PAPSS2: variants seen among roughly 807,000 people sequenced by gnomAD.
PAPSS2 encodes the protein 3'-phosphoadenosine 5'-phosphosulfate synthase 2.
A neutral mutation model predicts 66.5 loss-of-function variants in PAPSS2; 61 were observed. The ratio of observed to expected loss-of-function variants is 0.92; its 90% CI spans 0.75 to 1.14. PAPSS2 has a LOEUF of 1.14. Ranked by LOEUF, PAPSS2 falls within the 50% of genes most tolerant of loss-of-function variation. The pLI, the probability that PAPSS2 is intolerant of heterozygous loss-of-function variation, is 0.00. For missense variants in PAPSS2, 708 were observed against 789.6 expected, an observed-to-expected ratio of 0.90 and a Z score of 1.24; for synonymous variants, 289 against 287.5, an observed-to-expected ratio of 1.01 and a Z score of -0.05.
intron 7 of PAPSS2, 94 bp downstream of exon 7, chr10:87,715,937 T>G: frequency 1.3e-6 from 1 of 778,662 alleles, no homozygotes; most frequent in Middle Eastern, 2.9e-4. Context: ...TAGTCTTTAG[T>G]TTGCAAATCT....
chr10:87,727,529 T>G, intron 9 of PAPSS2, 40 bp downstream of exon 9: 3 of 1,495,478 alleles, frequency 2.0e-6, no homozygotes, highest in Non-Finnish European at 2.8e-6. Context: ...CTTGAGCTAT[T>G]TAAACTGAGA....
intron 1 of PAPSS2, among the ~76,000 whole-genome samples, chr10:87,682,768 T>C (rs919119267): frequency 2.6e-5 from 4 of 152,156 alleles, no homozygotes; most frequent in East Asian, 1.9e-4. Flanking sequence ...CCTACATAGA[T>C]AGATGGAAGG....
chr10:87,703,237 G>A (rs1050483932), intron 1 of PAPSS2, among the ~76,000 whole-genome samples: 2 of 106,786 alleles, frequency 1.9e-5, no homozygotes, highest in African/African-American at 1.0e-4. Context: ...CGTCCCAGCC[G>A]GGCTTTAATA....
chr10:87,725,560 G>A (rs1399651819), intron 8 of PAPSS2, among the ~76,000 whole-genome samples: 1 of 152,174 alleles, frequency 6.6e-6, no homozygotes, highest in African/African-American at 2.4e-5. Flanking sequence ...GTGATTCCCA[G>A]ATAAGTGAGA....
At chr10:87,713,646 G>C (rs554904063) in intron 3 of PAPSS2, among the ~76,000 whole-genome samples, 1 of 152,308 alleles carries the variant, frequency 6.6e-6, no homozygotes, top group South Asian at 2.1e-4. Context: ...GTCGGAAAAA[G>C]GATCTAGTTA....
chr10:87,667,251 T>G (rs545245906), intron 1 of PAPSS2, among the ~76,000 whole-genome samples: 1 of 152,056 alleles, frequency 6.6e-6, no homozygotes, highest in Non-Finnish European at 1.5e-5. Flanking sequence ...CGCAGGAGTT[T>G]GAGACCAGCC....
intron 1 of PAPSS2, among the ~76,000 whole-genome samples, chr10:87,696,659 A>T (rs1288372543): frequency 1.3e-5 from 2 of 152,234 alleles, no homozygotes; most frequent in Non-Finnish European, 2.9e-5. Context: ...TATAACTCCA[A>T]GCAATTTTAA....
intron 1 of PAPSS2, among the ~76,000 whole-genome samples, chr10:87,668,572 A>C (rs1228099717): frequency 1.3e-5 from 2 of 151,960 alleles, no homozygotes; most frequent in Non-Finnish European, 2.9e-5. Flanking sequence ...TAAAATTCCC[A>C]ATTGACTTTT....
At chr10:87,699,253 ATTGCCTTAAATAT>A (rs1206257693) in intron 1 of PAPSS2, among the ~76,000 whole-genome samples, 1 of 152,184 alleles carries the variant, frequency 6.6e-6, no homozygotes, top group East Asian at 1.9e-4. Context: ...AAAGGGATTC[ATTGCCTTAAATAT>A]TTGCTCTCAA....
intron 9 of PAPSS2, among the ~76,000 whole-genome samples, chr10:87,740,713 A>C (rs1853858249): frequency 6.6e-6 from 1 of 152,208 alleles, no homozygotes; most frequent in African/African-American, 2.4e-5. Context: ...CCAGCTACCT[A>C]CCTATAGTTG....
At chr10:87,743,901 G>A (rs1191347210) in intron 11 of PAPSS2, among the ~76,000 whole-genome samples, 1 of 152,020 alleles carries the variant, frequency 6.6e-6, no homozygotes, top group African/African-American at 2.4e-5. Flanking sequence ...TCAGGAGTTC[G>A]AGGCCACCTG....
intron 8 of PAPSS2, among the ~76,000 whole-genome samples, chr10:87,724,382 G>A (rs1853632202): frequency 1.3e-5 from 2 of 151,678 alleles, no homozygotes; most frequent in Admixed American, 1.3e-4. Context: ...ATGTAATGGT[G>A]CCCTGAAGAT....
chr10:87,716,563 G>T (rs1472714111), intron 7 of PAPSS2, among the ~76,000 whole-genome samples: 1 of 152,200 alleles, frequency 6.6e-6, no homozygotes, highest in East Asian at 1.9e-4. Context: ...AGGAGTAGGG[G>T]TAGAGTCACG....
chr10:87,712,288 C>T lies in PAPSS2; in HGVS notation c.146-787C>T, dbSNP rs182272729. ...AGGACAGCCTGCGGGCTCTGTAAGA[C>T]GGTTGTTCAGTGGCATCCACGAGGG... On this transcript the variant is annotated intron_variant, in intron 2 of 12. Transcript: ENST00000456849. 4.6e-5 allele frequency among the ~76,000 whole-genome samples: 7 copies of T among 152,268 alleles called. No individual in the cohort carries two copies. The East Asian group carries it at 7.7e-4, about 17-fold the overall frequency.
chr10:87,670,481 C>T (rs529611020), intron 1 of PAPSS2, among the ~76,000 whole-genome samples: 7 of 152,084 alleles, frequency 4.6e-5, no homozygotes, highest in African/African-American at 1.7e-4. Flanking sequence ...AAGGGAAGTC[C>T]AAGTTTTTCA....
At chr10:87,685,149 C>T (rs547775433) in intron 1 of PAPSS2, among the ~76,000 whole-genome samples, 25 of 152,252 alleles carry the variant, frequency 1.6e-4, no homozygotes, top group Middle Eastern at 3.4e-3. Context: ...GCTGAGCCCC[C>T]CACTTCAAAA....
intron 8 of PAPSS2, 113 bp downstream of exon 8, chr10:87,721,883 G>A (rs774166133): frequency 4.8e-5 from 32 of 667,388 alleles, no homozygotes; most frequent in Non-Finnish European, 6.2e-5. Context: ...AGTTGGAATC[G>A]CTATTAGTTC....
At chr10:87,706,108 ATGTGTGTGTGTG>A (rs150079044) in intron 1 of PAPSS2, among the ~76,000 whole-genome samples, 13 of 52,004 alleles carry the variant, frequency 2.5e-4, no homozygotes, top group East Asian at 8.4e-4. Context: ...ATATATATAT[ATGTGTGTGTGTG>A]TGTGTGTGTG....
intron 1 of PAPSS2, among the ~76,000 whole-genome samples, chr10:87,689,317 G>A (rs2131911558): frequency 6.9e-6 from 1 of 145,458 alleles, no homozygotes; most frequent in East Asian, 2.0e-4. Context: ...CCCAGCCTAG[G>A]CAACACGAGC....
Sources: gnomAD v4.1 joint callset for allele counts (sites outside exome capture counted in the v4.1 genomes callset) on GRCh38, gnomAD v4.1.1 for gene constraint, MANE v1.5 for transcripts, NCBI Gene and HGNC (gene_info 2026-07-23, HGNC 2026-07-21) for gene names.